The following CCSER1 variants were observed in gnomAD, a reference collection of about 807,000 sequenced individuals.
CCSER1 encodes the protein coiled-coil serine rich protein 1.
CCSER1 carries 41 observed loss-of-function variants against 82.0 expected under a neutral mutation model. The observed-to-expected ratio is 0.50, with a 90% CI of 0.39 to 0.65. The LOEUF (loss-of-function observed/expected upper bound fraction) is 0.65, where lower values mean the gene tolerates loss of function less well. Ranked by LOEUF, CCSER1 falls within the 30% of genes least tolerant of loss-of-function variation. CCSER1 has a pLI of 0.00. For synonymous variants in CCSER1, 414 were observed against 383.9 expected, an observed-to-expected ratio of 1.08 and a Z score of -0.92; for missense variants, 1,119 against 1,064.2, an observed-to-expected ratio of 1.05 and a Z score of -0.72.
intron 10 of CCSER1, among the ~76,000 whole-genome samples, chr4:91,428,106 A>T (rs1225926599): frequency 1.3e-5 from 2 of 152,010 alleles, no homozygotes; most frequent in Admixed American, 6.6e-5. Context: ...GATTTTGTTT[A>T]TCTTGTTATA....
At chr4:90,384,695 C>G (rs1749743743) in intron 3 of CCSER1, among the ~76,000 whole-genome samples, 1 of 152,136 alleles carries the variant, frequency 6.6e-6, no homozygotes, top group African/African-American at 2.4e-5. Flanking sequence ...CAAGGCTTCT[C>G]TATGCCCCAC....
chr4:90,691,506 A>C lies in CCSER1; in HGVS notation c.1933-32408A>C, dbSNP rs76224088. Among the ~76,000 whole-genome samples the C allele has an allele frequency of 4.9e-4, 75 of 151,966 alleles. 1 individual carries two copies. The East Asian group carries it at 0.012, about 24-fold the overall frequency. On this transcript the variant is annotated intron_variant, in intron 6 of 10. Transcript: ENST00000509176. Reference sequence around the variant, plus strand: ...ATATCACATGTATATAAACGTGTGTATATATTACATGTGTACATATCACAC... The same window carrying C: ...ATATCACATGTATATAAACGTGTGTCTATATTACATGTGTACATATCACAC...
At chr4:90,457,450 G>A (rs1762334633) in intron 4 of CCSER1, among the ~76,000 whole-genome samples, 1 of 152,176 alleles carries the variant, frequency 6.6e-6, no homozygotes, top group Admixed American at 6.5e-5. Context: ...AGAATGAGGT[G>A]CGTGGGCAAC....
chr4:91,227,744 C>T (rs901335624), intron 10 of CCSER1, among the ~76,000 whole-genome samples: 1 of 151,678 alleles, frequency 6.6e-6, no homozygotes, highest in African/African-American at 2.4e-5. Flanking sequence ...ATTTAGGTCT[C>T]ACTTATATGT....
chr4:91,349,707 C>CA (rs1553926693), intron 10 of CCSER1, among the ~76,000 whole-genome samples: 2 of 145,524 alleles, frequency 1.4e-5, no homozygotes, highest in African/African-American at 5.2e-5. Flanking sequence ...GAGAGTTTTT[C>CA]TTTTTTTTTT....
At position 90,328,956 on chromosome 4, in the gene CCSER1, C is replaced by T. The variant is rs1229672100; in HGVS notation, c.1509+15909C>T. Among the ~76,000 whole-genome samples, 10 of 152,242 alleles carry T rather than the reference C, an allele frequency of 6.6e-5. No individual in the cohort carries two copies. In the South Asian group the frequency reaches 8.3e-4, roughly 13 times the overall value. On this transcript the variant is annotated intron_variant, in intron 3 of 10. Coordinates refer to ENST00000509176, the MANE Select transcript of CCSER1 (RefSeq NM_001145065.2). ...TAATAAAATGTACTAAATTAGTGAACACAAACACTTTTGTAATATTTTCAT... is the reference window on the plus strand; with the variant it reads ...TAATAAAATGTACTAAATTAGTGAATACAAACACTTTTGTAATATTTTCAT...
chr4:91,255,112 G>A (rs1420269096), intron 10 of CCSER1, among the ~76,000 whole-genome samples: 1 of 152,134 alleles, frequency 6.6e-6, no homozygotes, highest in Non-Finnish European at 1.5e-5. Context: ...ATGTTAATAA[G>A]CATTGTGGAA....
At chr4:90,779,361 T>G (rs939526678) in intron 7 of CCSER1, among the ~76,000 whole-genome samples, 1 of 152,310 alleles carries the variant, frequency 6.6e-6, no homozygotes, top group African/African-American at 2.4e-5. Flanking sequence ...AAGACTGGGC[T>G]AGGTTTTCCT....
intron 5 of CCSER1, among the ~76,000 whole-genome samples, chr4:90,569,418 G>C (rs1371397310): frequency 6.6e-6 from 1 of 152,136 alleles, no homozygotes; most frequent in Non-Finnish European, 1.5e-5. Flanking sequence ...ATAGAGACGT[G>C]ATACAGACAC....
At chr4:90,736,690 A>G (rs1019221640) in intron 7 of CCSER1, among the ~76,000 whole-genome samples, 2 of 151,746 alleles carry the variant, frequency 1.3e-5, no homozygotes, top group Non-Finnish European at 2.9e-5. Context: ...AGTTTATTTC[A>G]TTTACATTCA....
intron 10 of CCSER1, among the ~76,000 whole-genome samples, chr4:91,419,467 C>T (rs1326555169): frequency 3.9e-5 from 6 of 151,984 alleles, no homozygotes; most frequent in Non-Finnish European, 5.9e-5. Context: ...GTTACAGTAG[C>T]ATCGACGATA....
chr4:90,433,567 C>T (rs1300912376), intron 4 of CCSER1, among the ~76,000 whole-genome samples: 12 of 152,044 alleles, frequency 7.9e-5, no homozygotes, highest in African/African-American at 2.7e-4. Flanking sequence ...ACAGCAGTAC[C>T]ATCAAATCTT....
At chr4:91,048,930 T>G (rs1457972307) in intron 9 of CCSER1, among the ~76,000 whole-genome samples, 1 of 152,132 alleles carries the variant, frequency 6.6e-6, no homozygotes, top group Non-Finnish European at 1.5e-5. Flanking sequence ...ATTATTGGCA[T>G]AACAAGGGAT....
In CCSER1 at chr4:90,771,617, A is replaced by G. The variant is rs899797869; in HGVS notation, c.2011-44145A>G. On this transcript the variant is annotated intron_variant, in intron 7 of 10. Transcript: ENST00000509176. ...AAAATGCATATTTTTGTAGAAAGTG[A>G]GATACTATTTTTATTACAAACAACT... Among the ~76,000 whole-genome samples, 4 of 151,196 alleles carry G rather than the reference A, an allele frequency of 2.6e-5. No homozygotes were observed. In the South Asian group the frequency reaches 6.3e-4, roughly 24 times the overall value.
chr4:91,043,117 C>T (rs1426008437), intron 9 of CCSER1, among the ~76,000 whole-genome samples: 1 of 151,034 alleles, frequency 6.6e-6, no homozygotes, highest in Non-Finnish European at 1.5e-5. Context: ...TTAAAAACAC[C>T]AAAACGAACA....
intron 8 of CCSER1, among the ~76,000 whole-genome samples, chr4:90,821,535 T>A (rs1424442819): frequency 6.6e-6 from 1 of 152,150 alleles, no homozygotes; most frequent in Non-Finnish European, 1.5e-5. Context: ...TAGAAATACA[T>A]CACTCTTATC....
At chr4:90,249,585 C>T (rs1023523921) in intron 1 of CCSER1, among the ~76,000 whole-genome samples, 12 of 152,120 alleles carry the variant, frequency 7.9e-5, no homozygotes, top group African/African-American at 2.4e-4. Flanking sequence ...ATAAATAGAA[C>T]ATACAATATG....
At chr4:90,342,737 A>G (rs933078918) in intron 3 of CCSER1, among the ~76,000 whole-genome samples, 6 of 152,166 alleles carry the variant, frequency 3.9e-5, no homozygotes, top group African/African-American at 1.4e-4. Context: ...TCCATACTCC[A>G]GGACTTTGTG....
chr4:90,454,313 A>G (rs941679310), intron 4 of CCSER1, among the ~76,000 whole-genome samples: 1 of 148,926 alleles, frequency 6.7e-6, no homozygotes, highest in Non-Finnish European at 1.5e-5. Context: ...CTAAAGTACT[A>G]TCTGGTCCTA....
Sources: gnomAD v4.1 joint callset for allele counts (sites outside exome capture counted in the v4.1 genomes callset) on GRCh38, gnomAD v4.1.1 for gene constraint, MANE v1.5 for transcripts, NCBI Gene and HGNC (gene_info 2026-07-23, HGNC 2026-07-21) for gene names.